The following CNDP2 variants were observed in gnomAD, a reference collection of about 807,000 sequenced individuals.
CNDP2 encodes carnosine dipeptidase 2, also known as cytosolic non-specific dipeptidase.
Under a neutral mutation model 55.0 loss-of-function variants are expected in CNDP2, and 38 were observed. The observed-to-expected ratio is 0.69, with a 90% CI of 0.53 to 0.90. The LOEUF (loss-of-function observed/expected upper bound fraction) is 0.90, where lower values mean the gene tolerates loss of function less well. CNDP2 is among the 40% of genes least tolerant of loss of function. The probability of loss-of-function intolerance (pLI) is 0.00; values close to 1 mark genes in which losing one functional copy is unlikely to be tolerated. For synonymous variants in CNDP2, 241 were observed against 260.2 expected (o/e 0.93, Z 0.71); for missense variants, 607 against 621.7 (o/e 0.98, Z 0.25).
At chr18:74,518,301 T>C in intron 9 of CNDP2, 198 bp from the exon 10 acceptor site, 1 of 512,216 alleles carries the variant, frequency 2.0e-6, no homozygotes, top group African/African-American at 1.9e-5. Context: ...TCCTCTTTCC[T>C]TACTCTAGTT....
At position 74,518,403 on chromosome 18, in the gene CNDP2, G is replaced by A. The variant is rs17089362; in HGVS notation, c.1069-96G>A. 1.0e-3 allele frequency: 1,495 copies of A among 1,434,144 alleles called. 1 individual carries two copies. Among genetic ancestry groups the A allele is most frequent in the African/African-American group, 4.3e-3 (304 of 71,472 alleles). 88.8% of individuals were successfully genotyped at this position (1,434,144 alleles called of 1,614,324 possible). A position where few individuals can be genotyped will look rare whatever the true frequency, so the allele number is the denominator to read the frequency against. ...CCTGTCAGAGGCCGATTGTAAGCTC[G>A]CTGTAGACCCATGATAGCAGACCCG... On this transcript the variant is annotated intron_variant, in intron 9 of 11. Coordinates refer to ENST00000324262, the MANE Select transcript of CNDP2 (RefSeq NM_018235.3).
chr18:74,515,455 G>C (rs566141330), intron 8 of CNDP2, among the ~76,000 whole-genome samples: 1 of 152,198 alleles, frequency 6.6e-6, no homozygotes, highest in South Asian at 2.1e-4. Flanking sequence ...CCTCAGGCTC[G>C]TGTTTGCTTC....
intron 3 of CNDP2, 81 bp downstream of exon 3, chr18:74,501,553 A>G (rs1477931201): frequency 6.7e-7 from 1 of 1,501,512 alleles, no homozygotes; most frequent in Non-Finnish European, 8.9e-7. Context: ...AAGTTCTTAA[A>G]AGATCTTTTG....
intron 1 of CNDP2, chr18:74,499,323 A>G (rs936736097): frequency 1.3e-5 from 2 of 152,428 alleles, no homozygotes; most frequent in Non-Finnish European, 2.9e-5. Context: ...GGTGTCACAC[A>G]TGGAAGTGGG....
intron 1 of CNDP2, among the ~76,000 whole-genome samples, chr18:74,499,094 C>T (rs1978551656): frequency 6.6e-6 from 1 of 152,220 alleles, no homozygotes; most frequent in Non-Finnish European, 1.5e-5. Context: ...AGACACGAGG[C>T]TGTAGTAGGG....
chr18:74,501,206 A>C, intron 2 of CNDP2, 123 bp from the exon 3 acceptor site: 2 of 1,463,864 alleles, frequency 1.4e-6, no homozygotes, highest in South Asian at 2.9e-5. Flanking sequence ...TCCTATTTCC[A>C]ATCAGCCTGT....
chr18:74,514,570 AG>A (rs1208736378), intron 8 of CNDP2, among the ~76,000 whole-genome samples: 1 of 139,574 alleles, frequency 7.2e-6, no homozygotes, highest in African/African-American at 2.7e-5. Context: ...TAAGTTCTGC[AG>A]CCTGTGGGCT....
chr18:74,519,149 C>T (rs112570197), intron 11 of CNDP2, 53 bp downstream of exon 11: 38 of 1,534,228 alleles, frequency 2.5e-5, no homozygotes, highest in Admixed American at 9.9e-5. Context: ...GCGTCCCTCT[C>T]GCCCCTTCCC....
chr18:74,516,448 A>G, intron 9 of CNDP2, 56 bp downstream of exon 9: 1 of 1,515,476 alleles, frequency 6.6e-7, no homozygotes, highest in Admixed American at 2.1e-5. Context: ...CCGGGCAGAG[A>G]CTTGGGTAAT....
intron 9 of CNDP2, 32 bp from the exon 10 acceptor site, chr18:74,518,467 C>T (rs755243726): frequency 2.5e-6 from 4 of 1,613,130 alleles, no homozygotes; most frequent in East Asian, 4.5e-5. Context: ...GCTTATAAAG[C>T]ATTGTATACC....
In CNDP2 at chr18:74,501,555, G is replaced by T. The variant is rs187965614; in HGVS notation, c.204+83G>T. 5.8e-4 allele frequency: 869 copies of T among 1,496,568 alleles called. 4 individuals are homozygous for T. In the African/African-American group the frequency reaches 0.012, roughly 20 times the overall value. 92.7% of individuals were successfully genotyped at this position (1,496,568 alleles called of 1,614,324 possible). A position where few individuals can be genotyped will look rare whatever the true frequency, so the allele number is the denominator to read the frequency against. ...GACAAGACGCCACAAGTTCTTAAAA[G>T]ATCTTTTGCTTCACATACCCCACTC... On this transcript the variant is annotated intron_variant, in intron 3 of 11. Transcript: ENST00000324262.
At chr18:74,516,612 C>G (rs1320371183) in intron 9 of CNDP2, 1 of 472,542 alleles carries the variant, frequency 2.1e-6, no homozygotes, top group Admixed American at 5.4e-5. Context: ...AGGCCAAAAT[C>G]TGGCCTTTGA....
intron 2 of CNDP2, among the ~76,000 whole-genome samples, chr18:74,500,294 A>G (rs921087248): frequency 6.6e-6 from 1 of 152,268 alleles, no homozygotes; most frequent in Non-Finnish European, 1.5e-5. Flanking sequence ...TGATAGTTAC[A>G]GATTAAATAG....
intron 1 of CNDP2, among the ~76,000 whole-genome samples, chr18:74,499,110 TCACTCCACAGCTGTGAC>T (rs1423078456): frequency 6.6e-6 from 1 of 152,226 alleles, no homozygotes; most frequent in Non-Finnish European, 1.5e-5. Context: ...TAGGGTCCTG[TCACTCCACAGCTGTGAC>T]TCTGAGGCAC....
At chr18:74,518,922 C>A in intron 10 of CNDP2, 27 bp from the exon 11 acceptor site, 1 of 1,584,918 alleles carries the variant, frequency 6.3e-7, no homozygotes. Context: ...CAAAGCTCAC[C>A]GTTTATTTTA....
chr18:74,520,335 G>T lies in CNDP2; in HGVS notation c.*267G>T. The T allele has an allele frequency of 2.3e-6, 1 of 433,706 alleles. No individual in the cohort carries two copies. The highest frequency in any genetic ancestry group is 4.2e-6 in the Non-Finnish European group (1 of 235,592). 26.9% of individuals were successfully genotyped at this position (433,706 alleles called of 1,614,324 possible). ...GGCTTGACCTGCAGAAGATACCCAA[G>T]GTCCAAAAGCACAAGGTCTGCGGAA... On this transcript the variant is annotated 3_prime_UTR_variant, in exon 12 of 12. Coordinates refer to ENST00000324262, the MANE Select transcript of CNDP2 (RefSeq NM_018235.3).
In CNDP2 at chr18:74,516,234, A is replaced by T; in HGVS notation, c.910A>T (p.Ile304Phe). The T allele has an allele frequency of 6.2e-7, 1 of 1,609,662 alleles. No individual in the cohort carries two copies. Among genetic ancestry groups the T allele is most frequent in the South Asian group, 1.1e-5 (1 of 90,622 alleles). The change falls in exon 9 of 12, where the codon ATC becomes TTC. Residue 304 changes from isoleucine (I) to phenylalanine (F), a missense_variant. Coordinates refer to ENST00000324262, the MANE Select transcript of CNDP2 (RefSeq NM_018235.3). The stretch of plus-strand genomic sequence containing the variant: ...CCCTCTGATTTTTCTGCAGAAAGAC[A>T]TCCTCATGCACCGATGGCGGTACCC... ...QILLHSHKKD[I>F]LMHRWRYPSL...
chr18:74,513,499 G>A (rs951159026), intron 7 of CNDP2, 60 bp from the exon 8 acceptor site: 56 of 1,530,000 alleles, frequency 3.7e-5, no homozygotes, highest in Non-Finnish European at 4.8e-5. Flanking sequence ...GTGCAGGAAA[G>A]AGCAGCTCGC....
rs771837186 is a variant in CNDP2 at position 74,505,906 on chromosome 18, G to A, written c.262G>A (p.Asp88Asn). ...PPILLGRLGS[D>N]PQKKTVCIYG... ...TATTCTGCTCGGCAGGCTGGGCTCC[G>A]ACCCACAGAAGAAGACCGTGTGCAT... Residue 88 changes from aspartate to asparagine, a missense_variant, in exon 4 of 12, where the codon GAC (aspartate) becomes AAC (asparagine). By Grantham distance (23) the Asp-to-Asn change is conservative (BLOSUM62 1). Transcript: ENST00000324262. 32 of 1,611,998 alleles carry A rather than the reference G, an allele frequency of 2.0e-5. No individual in the cohort carries two copies. The highest frequency in any genetic ancestry group is 1.2e-4 in the South Asian group (11 of 90,776).
Sources: gnomAD v4.1 joint callset for allele counts (sites outside exome capture counted in the v4.1 genomes callset) on GRCh38, gnomAD v4.1.1 for gene constraint, MANE v1.5 for transcripts, NCBI Gene and HGNC (gene_info 2026-07-23, HGNC 2026-07-21) for gene names.